ERI1: variants seen among roughly 807,000 people sequenced by gnomAD.
ERI1 encodes the protein 3'-5' exoribonuclease 1.
In ERI1, 39 loss-of-function variants were observed where a neutral mutation model predicts 39.7. The ratio of observed to expected loss-of-function variants is 0.98; its 90% CI spans 0.76 to 1.28. The LOEUF (loss-of-function observed/expected upper bound fraction) is 1.28. Ranked by LOEUF, ERI1 falls within the 50% of genes most tolerant of loss-of-function variation. The probability of loss-of-function intolerance (pLI) is 0.00; values close to 1 mark genes in which losing one functional copy is unlikely to be tolerated. For missense variants in ERI1, 581 were observed against 416.9 expected, an observed-to-expected ratio of 1.39 and a Z score of -3.43; for synonymous variants, 204 against 149.6, an observed-to-expected ratio of 1.36 and a Z score of -2.65.
intron 1 of ERI1, 118 bp from the exon 2 acceptor site, chr8:9,007,852 A>G: frequency 7.1e-7 from 1 of 1,413,628 alleles, no homozygotes; most frequent in South Asian, 1.5e-5. Flanking sequence ...CTTTTCATTG[A>G]ACATGTAGCA....
intron 5 of ERI1, 30 bp downstream of exon 5, chr8:9,018,436 A>G: frequency 2.4e-6 from 3 of 1,272,050 alleles, no homozygotes; most frequent in Non-Finnish European, 3.4e-6. Context: ...ATTTTTTTAT[A>G]TCTACTTTTT....
intron 3 of ERI1, among the ~76,000 whole-genome samples, chr8:9,081,266 G>A (rs943038257): frequency 1.3e-5 from 2 of 152,116 alleles, no homozygotes; most frequent in African/African-American, 4.8e-5. Context: ...ATTTGGGTGG[G>A]GACACAGAGC....
At chr8:9,091,895 A>G (rs1799716370) in intron 3 of ERI1, among the ~76,000 whole-genome samples, 1 of 152,088 alleles carries the variant, frequency 6.6e-6, no homozygotes, top group Non-Finnish European at 1.5e-5. Flanking sequence ...CAGTAACAAA[A>G]TTGTTAATTT....
Position 9,008,016 on chromosome 8 carries a change from A to C in ERI1, c.155A>C (p.Lys52Thr). 4.4e-6 allele frequency: 7 copies of C among 1,586,958 alleles called. No individual in the cohort carries two copies. The highest frequency in any genetic ancestry group is 6.0e-6 in the Non-Finnish European group (7 of 1,172,814). ...GATGGCCAGGAGACAAAAGGATCCA[A>C]GTTCATTACCTCCAGTGCGAGTGAC... ...KFDGQETKGS[K>T]FITSSASDFS... Residue 52 changes from lysine to threonine, a missense_variant, in exon 2 of 7, where the codon AAG becomes ACG. Physicochemically the swap from Lys to Thr is moderately conservative, Grantham distance 78. Transcript: ENST00000250263.
At chr8:9,089,396 C>T (rs1240465600) in intron 3 of ERI1, among the ~76,000 whole-genome samples, 3 of 152,238 alleles carry the variant, frequency 2.0e-5, no homozygotes, top group Non-Finnish European at 2.9e-5. Context: ...TGAGCTACCA[C>T]ACGCAGCCTG....
intron 3 of ERI1, among the ~76,000 whole-genome samples, chr8:9,080,747 C>T (rs115502333): frequency 6.6e-6 from 1 of 152,140 alleles, no homozygotes; most frequent in Non-Finnish European, 1.5e-5. Context: ...TGCCCCTCCC[C>T]CAAGGCACCA....
chr8:9,073,809 A>G (rs968621938), intron 3 of ERI1, among the ~76,000 whole-genome samples: 1 of 152,224 alleles, frequency 6.6e-6, no homozygotes, highest in Non-Finnish European at 1.5e-5. Flanking sequence ...ATGAAACTAC[A>G]TAGAATCCAG....
chr8:9,049,559 T>C (rs954781246), intron 3 of ERI1, among the ~76,000 whole-genome samples: 1 of 151,196 alleles, frequency 6.6e-6, no homozygotes, highest in Non-Finnish European at 1.5e-5. Context: ...AAAAAAAGCA[T>C]GAAAATATTA....
At chr8:9,077,160 A>G (rs17646379) in intron 3 of ERI1, among the ~76,000 whole-genome samples, 1 of 152,068 alleles carries the variant, frequency 6.6e-6, no homozygotes, top group Non-Finnish European at 1.5e-5. Flanking sequence ...GTGGTTTTAC[A>G]CTTCTTTTCC....
At chr8:9,037,752 A>G (rs1246667434), downstream of ERI1, among the ~76,000 whole-genome samples, 1 of 152,158 alleles carries the variant, frequency 6.6e-6, no homozygotes, top group African/African-American at 2.4e-5. Context: ...ACTGTGCACC[A>G]TAAATAAATT....
intron 3 of ERI1, among the ~76,000 whole-genome samples, chr8:9,064,753 T>C (rs1213173586): frequency 1.3e-5 from 2 of 152,040 alleles, no homozygotes; most frequent in African/African-American, 2.4e-5. Flanking sequence ...GGGATTGATC[T>C]CCCAAGGGAG....
intron 3 of ERI1, among the ~76,000 whole-genome samples, chr8:9,080,850 C>G (rs1290742591): frequency 6.6e-6 from 1 of 152,188 alleles, no homozygotes; most frequent in African/African-American, 2.4e-5. Flanking sequence ...GCAGACAGCA[C>G]AGCCCAGAAT....
chr8:9,023,692 A>T (rs1818163564), intron 6 of ERI1, among the ~76,000 whole-genome samples: 1 of 125,548 alleles, frequency 8.0e-6, no homozygotes, highest in Non-Finnish European at 1.8e-5. Flanking sequence ...CTTATCTAAG[A>T]CCTAAATAAA....
chr8:9,019,907 G>A (rs1345148291), intron 5 of ERI1, among the ~76,000 whole-genome samples: 1 of 152,106 alleles, frequency 6.6e-6, no homozygotes, highest in Non-Finnish European at 1.5e-5. Flanking sequence ...ACAATAAATT[G>A]GTTAGTGTTA....
intron 3 of ERI1, among the ~76,000 whole-genome samples, chr8:9,099,514 G>T (rs530682342): frequency 6.6e-6 from 1 of 151,544 alleles, no homozygotes; most frequent in East Asian, 1.9e-4. Context: ...AGAATCAGTT[G>T]AGCCTGGGAG....
At chr8:9,053,074 T>A (rs1241636629) in intron 3 of ERI1, among the ~76,000 whole-genome samples, 3 of 152,196 alleles carry the variant, frequency 2.0e-5, no homozygotes, top group Admixed American at 6.5e-5. Context: ...TGGAGTGCAA[T>A]GGCGCAATCT....
rs565625345 is a variant in ERI1, at chr8:9,019,860, C to A, written c.693-490C>A. Among the ~76,000 whole-genome samples the A allele has an allele frequency of 4.6e-5, 7 of 152,292 alleles. No homozygotes were observed. The South Asian group carries it at 1.5e-3, about 32-fold the overall frequency. ...AAGAAAAACCACGTAGGAACCAACACAATTTCCATATTACACAATCAGTAT... is the reference window on the plus strand; with the variant it reads ...AAGAAAAACCACGTAGGAACCAACAAAATTTCCATATTACACAATCAGTAT... On this transcript the variant is annotated intron_variant, in intron 5 of 6. Coordinates refer to ENST00000250263, the MANE Select transcript of ERI1 (RefSeq NM_153332.4).
intron 3 of ERI1, among the ~76,000 whole-genome samples, chr8:9,067,715 C>G (rs1798926027): frequency 6.6e-6 from 1 of 150,948 alleles, no homozygotes; most frequent in Non-Finnish European, 1.5e-5. Context: ...TACAGATGAT[C>G]CAGTCCAATT....
downstream of ERI1, among the ~76,000 whole-genome samples, chr8:9,034,747 A>C (rs1260161136): frequency 6.6e-6 from 1 of 152,040 alleles, no homozygotes; most frequent in Non-Finnish European, 1.5e-5. Flanking sequence ...TCCACTTTAA[A>C]TCAAAAACTA....
Sources: gnomAD v4.1 joint callset for allele counts (sites outside exome capture counted in the v4.1 genomes callset) on GRCh38, gnomAD v4.1.1 for gene constraint, MANE v1.5 for transcripts, NCBI Gene and HGNC (gene_info 2026-07-23, HGNC 2026-07-21) for gene names.